MARCHF1: variants seen among roughly 807,000 people sequenced by gnomAD.
MARCHF1 encodes the protein membrane associated ring-CH-type finger 1, also known as E3 ubiquitin-protein ligase MARCHF1.
MARCHF1 carries 40 observed loss-of-function variants against 54.2 expected under a neutral mutation model. That is an observed-to-expected ratio of 0.74 (90% CI 0.57 to 0.96). MARCHF1 has a LOEUF of 0.96. Among genes scored for constraint, MARCHF1 ranks in the 40% least tolerant of loss-of-function variants. The pLI is 0.00. For synonymous variants in MARCHF1, 236 were observed against 236.3 expected (o/e 1.00, Z 0.01); for missense variants, 586 against 656.5 (o/e 0.89, Z 1.17).
chr4:163,757,350 T>C (rs1746706950), intron 4 of MARCHF1, among the ~76,000 whole-genome samples: 1 of 152,116 alleles, frequency 6.6e-6, no homozygotes. Context: ...CTAAATTGTG[T>C]TAGTGTACAG....
At chr4:164,323,516 A>G (rs1735194353) in intron 1 of MARCHF1, among the ~76,000 whole-genome samples, 1 of 150,582 alleles carries the variant, frequency 6.6e-6, no homozygotes, top group African/African-American at 2.4e-5. Flanking sequence ...AAATTATATA[A>G]AATTAATGAA....
At chr4:163,810,844 C>T (rs1014833765) in intron 4 of MARCHF1, among the ~76,000 whole-genome samples, 6 of 152,104 alleles carry the variant, frequency 3.9e-5, no homozygotes, top group Non-Finnish European at 8.8e-5. Flanking sequence ...TGAAGCCATT[C>T]CCTTCCATCC....
intron 1 of MARCHF1, among the ~76,000 whole-genome samples, chr4:164,256,445 A>G (rs1426865254): frequency 2.7e-5 from 4 of 150,494 alleles, no homozygotes; most frequent in South Asian, 2.1e-4. Context: ...AAAAAAAAAA[A>G]AAAGAAAGAA....
intron 4 of MARCHF1, among the ~76,000 whole-genome samples, chr4:163,704,546 T>A (rs1744896963): frequency 6.6e-6 from 1 of 151,750 alleles, no homozygotes; most frequent in South Asian, 2.1e-4. Context: ...CAGGGTCTTT[T>A]TTTTTCAATA....
At chr4:163,572,475 G>C (rs1739874584) in intron 8 of MARCHF1, among the ~76,000 whole-genome samples, 1 of 151,966 alleles carries the variant, frequency 6.6e-6, no homozygotes, top group Admixed American at 6.6e-5. Flanking sequence ...TGCAGAACCA[G>C]AATTAAAACC....
At chr4:164,200,415 G>A (rs1006875952) in intron 1 of MARCHF1, among the ~76,000 whole-genome samples, 1 of 152,136 alleles carries the variant, frequency 6.6e-6, no homozygotes, top group Non-Finnish European at 1.5e-5. Context: ...CTTAGAAGGT[G>A]ATTTACCATT....
chr4:164,309,021 G>T (rs1734772421), intron 1 of MARCHF1, among the ~76,000 whole-genome samples: 1 of 151,604 alleles, frequency 6.6e-6, no homozygotes, highest in African/African-American at 2.4e-5. Flanking sequence ...ATAAAATTTT[G>T]CATCGGTAAA....
chr4:163,901,729 G>T (rs1372023137), intron 3 of MARCHF1, among the ~76,000 whole-genome samples: 1 of 152,134 alleles, frequency 6.6e-6, no homozygotes, highest in African/African-American at 2.4e-5. Context: ...TTCTATTGCA[G>T]ATATTCAGAG....
chr4:164,012,259 C>T (rs1022375794), intron 2 of MARCHF1, among the ~76,000 whole-genome samples: 2 of 151,980 alleles, frequency 1.3e-5, no homozygotes, highest in African/African-American at 4.8e-5. Context: ...ACCCCTCCTA[C>T]AACTCCAGGC....
At chr4:164,133,356 A>T (rs1337475536) in intron 1 of MARCHF1, among the ~76,000 whole-genome samples, 1 of 152,184 alleles carries the variant, frequency 6.6e-6, no homozygotes, top group Non-Finnish European at 1.5e-5. Flanking sequence ...ATGTACTCCA[A>T]TCTAGCTTTT....
At chr4:163,555,834 C>A in intron 8 of MARCHF1, 1 of 408,338 alleles carries the variant, frequency 2.4e-6, no homozygotes, top group Non-Finnish European at 5.1e-6. Flanking sequence ...CTGTTGTGGG[C>A]TCTTCGCCTC....
intron 2 of MARCHF1, among the ~76,000 whole-genome samples, chr4:164,012,727 G>C (rs1392763331): frequency 6.6e-6 from 1 of 152,192 alleles, no homozygotes; most frequent in Admixed American, 6.5e-5. Context: ...AAGAAAGTGA[G>C]AGACTTTGCC....
chr4:163,645,029 A>G (rs1742700279), intron 5 of MARCHF1, among the ~76,000 whole-genome samples: 3 of 152,158 alleles, frequency 2.0e-5, no homozygotes, highest in African/African-American at 7.2e-5. Context: ...CCAAGGCAGT[A>G]CTGCCTGCCC....
At chr4:164,366,337 C>T (rs1730879524) in intron 1 of MARCHF1, among the ~76,000 whole-genome samples, 1 of 151,914 alleles carries the variant, frequency 6.6e-6, no homozygotes, top group African/African-American at 2.4e-5. Flanking sequence ...GTTTACACTC[C>T]AGGAGAAGGG....
At chr4:163,592,196 A>G (rs894181012) in intron 7 of MARCHF1, among the ~76,000 whole-genome samples, 1 of 152,206 alleles carries the variant, frequency 6.6e-6, no homozygotes, top group African/African-American at 2.4e-5. Flanking sequence ...CATTTTTGTA[A>G]TCATAAGTTT....
chr4:164,208,874 C>T lies in MARCHF1; in HGVS notation c.-322-97212G>A, dbSNP rs987541730. 3.3e-5 allele frequency among the ~76,000 whole-genome samples: 5 copies of T among 152,004 alleles called. No individual in the cohort carries two copies. In the East Asian group the frequency reaches 9.6e-4, roughly 29 times the overall value. On this transcript the variant is annotated intron_variant, in intron 1 of 9. Transcript: ENST00000514618. ...TGAGGTGGAAGAAACACTTGACCCCCAGGAGGTTCAGGTTGCAGTGAGCTG... is the reference window on the plus strand; with the variant it reads ...TGAGGTGGAAGAAACACTTGACCCCTAGGAGGTTCAGGTTGCAGTGAGCTG...
intron 2 of MARCHF1, among the ~76,000 whole-genome samples, chr4:164,037,156 G>A (rs749086132): frequency 7.2e-5 from 11 of 152,080 alleles, no homozygotes; most frequent in African/African-American, 2.4e-4. Flanking sequence ...AAGACATGTC[G>A]AATTTATGAT....
chr4:163,539,943 G>A (rs1389757300), intron 9 of MARCHF1, among the ~76,000 whole-genome samples: 1 of 152,004 alleles, frequency 6.6e-6, no homozygotes. Context: ...ATTTCCTTTG[G>A]TAATAGAATG....
chr4:164,233,629 T>C (rs1263667357), intron 1 of MARCHF1, among the ~76,000 whole-genome samples: 1 of 151,974 alleles, frequency 6.6e-6, no homozygotes, highest in East Asian at 1.9e-4. Flanking sequence ...ATGGCTTGAG[T>C]AGATTGTCTC....
Sources: allele counts gnomAD v4.1 joint callset (sites outside exome capture counted in the v4.1 genomes callset), GRCh38; gene constraint gnomAD v4.1.1; transcripts MANE v1.5; gene names NCBI Gene and HGNC (gene_info 2026-07-23, HGNC 2026-07-21).